Variants in CELF5 observed in about 807,000 individuals in gnomAD.
The protein encoded by CELF5 is CUG-BP and ETR-3 like factor 5.
Under a neutral mutation model 54.9 loss-of-function variants are expected in CELF5, and 6 were observed. The ratio of observed to expected loss-of-function variants is 0.11; its 90% CI spans 0.06 to 0.22. The LOEUF is 0.22. Among genes scored for constraint, CELF5 ranks in the 10% least tolerant of loss-of-function variants. The pLI, the probability that CELF5 is intolerant of heterozygous loss-of-function variation, is 1.00. For missense variants in CELF5, 401 were observed against 678.6 expected, an observed-to-expected ratio of 0.59 and a Z score of 4.54; for synonymous variants, 271 against 290.9, an observed-to-expected ratio of 0.93 and a Z score of 0.70.
At chr19:3,274,682 A>G (rs761606894) in intron 3 of CELF5, among the ~76,000 whole-genome samples, 7 of 152,076 alleles carry the variant, frequency 4.6e-5, no homozygotes, top group East Asian at 1.9e-4. Context: ...GGAAATTTGT[A>G]TATTTCCTCT....
Position 3,268,246 on chromosome 19 carries a change from G to A in CELF5, c.343-5626G>A, listed in dbSNP as rs1034445223. On this transcript the variant is annotated intron_variant, in intron 2 of 12. Transcript: ENST00000292672. This position sits in a 1 kb window ranked among gnomAD's most constrained non-coding sequence, Gnocchi z 4.4. ...ACTCCTGACCTCAGGTGATCCGCCC[G>A]CCTCAGCCTCCCAAAGTGCTAAAGT... Among the ~76,000 whole-genome samples the A allele has an allele frequency of 4.6e-5, 7 of 152,030 alleles. No individual in the cohort carries two copies. Among genetic ancestry groups the A allele is most frequent in the African/African-American group, 7.2e-5 (3 of 41,392 alleles).
At chr19:3,259,355 A>G (rs1365915887) in intron 2 of CELF5, among the ~76,000 whole-genome samples, 2 of 151,644 alleles carry the variant, frequency 1.3e-5, no homozygotes, top group East Asian at 3.9e-4. Context: ...GGCATGGAGT[A>G]GGTGGAGGCC....
chr19:3,246,789 C>G (rs1599408058), intron 1 of CELF5, among the ~76,000 whole-genome samples: 1 of 152,278 alleles, frequency 6.6e-6, no homozygotes, highest in East Asian at 1.9e-4. Context: ...CATCCCAATG[C>G]CCACCCATGG....
At chr19:3,235,728 GGA>G (rs1259559717) in intron 1 of CELF5, among the ~76,000 whole-genome samples, 4 of 81,730 alleles carry the variant, frequency 4.9e-5, no homozygotes, top group African/African-American at 1.9e-4. Flanking sequence ...GTGGATGGGT[GGA>G]TGGATGGATG....
intron 1 of CELF5, among the ~76,000 whole-genome samples, chr19:3,247,317 A>G (rs1419514703): frequency 1.3e-5 from 2 of 151,780 alleles, no homozygotes; most frequent in Middle Eastern, 3.4e-3. Context: ...TAGTAGAGAT[A>G]GGGTTTCACC....
chr19:3,267,081 G>C (rs901920553), intron 2 of CELF5, among the ~76,000 whole-genome samples: 2 of 138,046 alleles, frequency 1.4e-5, no homozygotes, highest in Non-Finnish European at 3.1e-5. Context: ...GTGCGTGTGC[G>C]TGTGTGCATG....
intron 12 of CELF5, chr19:3,294,115 C>T (rs967635441): frequency 1.3e-5 from 2 of 152,178 alleles, no homozygotes; most frequent in African/African-American, 4.8e-5. Flanking sequence ...GTGCCCCACC[C>T]ACCATCATGC....
intron 1 of CELF5, among the ~76,000 whole-genome samples, chr19:3,245,053 C>T (rs1227931289): frequency 5.0e-5 from 6 of 120,854 alleles, no homozygotes; most frequent in East Asian, 2.7e-4. Context: ...TCCACGTGTG[C>T]GTATGTGTTG....
intron 2 of CELF5, among the ~76,000 whole-genome samples, chr19:3,254,484 T>C (rs2079693428): frequency 6.6e-6 from 1 of 150,934 alleles, no homozygotes; most frequent in Non-Finnish European, 1.5e-5. Context: ...CACCCACCCA[T>C]CTATCCATCC....
chr19:3,259,173 C>A (rs17696611), intron 2 of CELF5, among the ~76,000 whole-genome samples: 16,641 of 152,148 alleles, frequency 0.11, 943 homozygotes, highest in Non-Finnish European at 0.12. Flanking sequence ...GAGGCCAGAA[C>A]ATGCCCAGTG....
intron 2 of CELF5, among the ~76,000 whole-genome samples, chr19:3,271,963 A>G (rs1313696951): frequency 6.6e-6 from 1 of 152,192 alleles, no homozygotes; most frequent in Admixed American, 6.5e-5. Flanking sequence ...CCTTACACAA[A>G]TAACTTCTCT....
At chr19:3,245,116 C>T (rs2079547513) in intron 1 of CELF5, among the ~76,000 whole-genome samples, 1 of 124,046 alleles carries the variant, frequency 8.1e-6, no homozygotes, top group South Asian at 2.6e-4. Context: ...TGCACCTGTG[C>T]ATGTGTGTGT....
At position 3,251,014 on chromosome 19, in the gene CELF5, G is replaced by A; in HGVS notation, c.289G>A (p.Asp97Asn). ...TGCCTTCCTCACCTACTGTGCCAGG[G>A]ATTCCGCCATCAAAGCTCAGACTGC... ...GCAFLTYCARDSAIKAQTALH... is the reference protein window; with the variant it reads ...GCAFLTYCARNSAIKAQTALH... Residue 97 changes from aspartate (D) to asparagine (N), a missense_variant, in exon 2 of 13, where the codon GAT (aspartate) becomes AAT (asparagine). Transcript: ENST00000292672. 6.2e-7 allele frequency: 1 copy of A among 1,613,958 alleles called. No homozygotes were observed. The highest frequency in any genetic ancestry group is 8.5e-7 in the Non-Finnish European group (1 of 1,179,968).
chr19:3,240,454 C>T (rs73517151), intron 1 of CELF5, among the ~76,000 whole-genome samples: 1,673 of 151,526 alleles, frequency 0.011, 31 homozygotes, highest in African/African-American at 0.039. Context: ...CAGCCTCCTA[C>T]GTAGCTGGGA....
intron 10 of CELF5, chr19:3,286,326 T>G: frequency 2.6e-6 from 1 of 385,298 alleles, no homozygotes; most frequent in Non-Finnish European, 4.6e-6. Context: ...GGAAACCCTT[T>G]TTGAGGCTGG....
intron 1 of CELF5, among the ~76,000 whole-genome samples, chr19:3,226,641 C>T (rs1478158752): frequency 3.3e-5 from 5 of 152,140 alleles, no homozygotes; most frequent in Non-Finnish European, 2.9e-5. Flanking sequence ...TAGAAAGATT[C>T]CCGTGGGAAT....
intron 1 of CELF5, among the ~76,000 whole-genome samples, chr19:3,248,182 G>T (rs375722767): frequency 6.6e-6 from 1 of 151,688 alleles, no homozygotes. Context: ...TAGAGACAGG[G>T]TCTCACTCTG....
chr19:3,263,742 T>A (rs2079840755), intron 2 of CELF5, among the ~76,000 whole-genome samples: 1 of 151,016 alleles, frequency 6.6e-6, no homozygotes, highest in Admixed American at 6.6e-5. Context: ...CCGTCTCTAC[T>A]AAAAATACAA....
At chr19:3,229,812 T>A (rs1917163461) in intron 1 of CELF5, among the ~76,000 whole-genome samples, 1 of 151,888 alleles carries the variant, frequency 6.6e-6, no homozygotes, top group Non-Finnish European at 1.5e-5. Flanking sequence ...CCTGACAATG[T>A]GCGAGGGCCC....
Sources: allele counts gnomAD v4.1 joint callset (sites outside exome capture counted in the v4.1 genomes callset), GRCh38; gene constraint gnomAD v4.1.1; non-coding constraint Gnocchi (gnomAD v3.1); transcripts MANE v1.5; gene names NCBI Gene and HGNC (gene_info 2026-07-23, HGNC 2026-07-21).